The following PCDH15 variants were observed in gnomAD, a reference collection of about 807,000 sequenced individuals.
PCDH15 encodes the protein protocadherin related 15.
Under a neutral mutation model 178.5 loss-of-function variants are expected in PCDH15, and 129 were observed. That is an observed-to-expected ratio of 0.72 (90% CI 0.63 to 0.84). The LOEUF is 0.84. PCDH15 is among the 40% of genes least tolerant of loss of function. The probability of loss-of-function intolerance (pLI) is 0.00; values close to 1 mark genes in which losing one functional copy is unlikely to be tolerated. For missense variants in PCDH15, 2,230 were observed against 2,099.9 expected (o/e 1.06, Z -1.21); for synonymous variants, 800 against 732.0 (o/e 1.09, Z -1.50).
intron 1 of PCDH15, among the ~76,000 whole-genome samples, chr10:55,225,829 T>G (rs1468459054): frequency 6.6e-6 from 1 of 152,078 alleles, no homozygotes; most frequent in Non-Finnish European, 1.5e-5. Flanking sequence ...CGTTTACTGT[T>G]TAAGTAAAGA....
At chr10:55,255,593 T>C (rs1841974407) in intron 1 of PCDH15, among the ~76,000 whole-genome samples, 1 of 152,112 alleles carries the variant, frequency 6.6e-6, no homozygotes, top group African/African-American at 2.4e-5. Context: ...TTCCTATTTC[T>C]CCACATCCTC....
At chr10:54,717,922 TA>T (rs1232875327) in intron 1 of PCDH15, among the ~76,000 whole-genome samples, 1 of 145,388 alleles carries the variant, frequency 6.9e-6, no homozygotes, top group Non-Finnish European at 1.5e-5. Context: ...CATGGAATAC[TA>T]TGCAGCCATA....
chr10:55,487,368 C>T (rs1271900917), intron 2 of PCDH15, among the ~76,000 whole-genome samples: 2 of 151,746 alleles, frequency 1.3e-5, no homozygotes, highest in South Asian at 2.1e-4. Context: ...CATTTACAGT[C>T]ACCATTTTTC....
At chr10:54,612,838 C>T (rs1462784695) in intron 2 of PCDH15, among the ~76,000 whole-genome samples, 1 of 151,526 alleles carries the variant, frequency 6.6e-6, no homozygotes, top group African/African-American at 2.4e-5. Context: ...TCTTATCGTA[C>T]CTGGTCAGAT....
intron 10 of PCDH15, among the ~76,000 whole-genome samples, chr10:54,212,514 C>T (rs1262459442): frequency 1.3e-5 from 2 of 152,078 alleles, no homozygotes; most frequent in Non-Finnish European, 1.5e-5. Flanking sequence ...TATTCATTGA[C>T]CATACTCTTT....
chr10:54,714,545 A>G (rs778301086), intron 1 of PCDH15, among the ~76,000 whole-genome samples: 2 of 152,184 alleles, frequency 1.3e-5, no homozygotes, highest in Non-Finnish European at 2.9e-5. Context: ...TATAGGAATC[A>G]TAACTTTCAA....
chr10:53,891,123 C>A (rs2081528308), intron 26 of PCDH15, among the ~76,000 whole-genome samples: 1 of 142,462 alleles, frequency 7.0e-6, no homozygotes, highest in Non-Finnish European at 1.5e-5. Flanking sequence ...TATAGATCTC[C>A]TGTGTCAGGT....
chr10:54,140,472 C>CT (rs546498025), intron 14 of PCDH15, among the ~76,000 whole-genome samples: 2,397 of 144,706 alleles, frequency 0.017, 26 homozygotes, highest in Middle Eastern at 0.074. Flanking sequence ...TTTATTTCTG[C>CT]TTTTTTTTTT....
At chr10:54,724,277 C>A (rs950688114) in intron 1 of PCDH15, among the ~76,000 whole-genome samples, 3 of 151,436 alleles carry the variant, frequency 2.0e-5, no homozygotes, top group East Asian at 1.9e-4. Context: ...TAAGTGAACT[C>A]AGAAAATAAA....
chr10:55,485,777 T>C (rs1840281807), intron 2 of PCDH15, among the ~76,000 whole-genome samples: 1 of 151,684 alleles, frequency 6.6e-6, no homozygotes, highest in South Asian at 2.1e-4. Flanking sequence ...AATCCAGTAA[T>C]TCCACTACTA....
intron 3 of PCDH15, among the ~76,000 whole-genome samples, chr10:54,419,044 T>A (rs1291090923): frequency 2.0e-5 from 3 of 152,010 alleles, no homozygotes; most frequent in African/African-American, 7.2e-5. Flanking sequence ...TTATAGTAGT[T>A]ATTTTATCTA....
chr10:54,256,512 C>G (rs142881458), intron 8 of PCDH15, among the ~76,000 whole-genome samples: 1 of 152,070 alleles, frequency 6.6e-6, no homozygotes, highest in African/African-American at 2.4e-5. Context: ...TGTTATAGAA[C>G]CTATCAAAAG....
rs558505231 is a variant in PCDH15 at position 54,964,029 on chromosome 10, T to C, written c.-79-66529A>G. 2.2e-4 allele frequency among the ~76,000 whole-genome samples: 34 copies of C among 151,910 alleles called. No individual in the cohort carries two copies. The East Asian group carries it at 3.3e-3, about 15-fold the overall frequency. On this transcript the variant is annotated intron_variant, in intron 2 of 5. Coordinates refer to the PCDH15 transcript ENST00000458638. The stretch of plus-strand genomic sequence containing the variant: ...ATTAGGGACAGGTAAGGAAGAGGAG[T>C]TGGCAACAGGAAGCAGGTGGTCAGT...
chr10:55,106,106 A>T (rs1842668625), intron 2 of PCDH15, among the ~76,000 whole-genome samples: 1 of 152,252 alleles, frequency 6.6e-6, no homozygotes, highest in African/African-American at 2.4e-5. Flanking sequence ...AAGGCACAAT[A>T]AAGTTTGTAA....
Position 55,142,024 on chromosome 10 carries a change from T to C in PCDH15, c.-80+24552A>G, listed in dbSNP as rs1591936100. Among the ~76,000 whole-genome samples the C allele has an allele frequency of 2.0e-5, 3 of 152,132 alleles. No individual in the cohort carries two copies. The East Asian group carries it at 5.8e-4, about 29-fold the overall frequency. On this transcript the variant is annotated intron_variant, in intron 2 of 5. Transcript: ENST00000458638. ...TTTGCACATAAACATAAAACTTCATTATCTGCACAATATATGGCAGAATGT... is the reference window on the plus strand; with the variant it reads ...TTTGCACATAAACATAAAACTTCATCATCTGCACAATATATGGCAGAATGT...
chr10:54,259,306 G>A (rs999480958), intron 8 of PCDH15, among the ~76,000 whole-genome samples: 1 of 152,142 alleles, frequency 6.6e-6, no homozygotes, highest in Admixed American at 6.6e-5. Flanking sequence ...CCTGTCTGGG[G>A]TCACCTTAGG....
chr10:55,588,460 C>G (rs1451424540), intron 2 of PCDH15, among the ~76,000 whole-genome samples: 1 of 151,956 alleles, frequency 6.6e-6, no homozygotes, highest in Non-Finnish European at 1.5e-5. Context: ...TTAAAAGAAA[C>G]CCCACACACA....
chr10:54,298,503 T>C (rs977931158), intron 8 of PCDH15, among the ~76,000 whole-genome samples: 2 of 152,156 alleles, frequency 1.3e-5, no homozygotes, highest in Admixed American at 6.5e-5. Context: ...TTGTTACCAG[T>C]GTGGCTTGCA....
At chr10:55,163,470 C>T (rs931210012) in intron 2 of PCDH15, among the ~76,000 whole-genome samples, 4 of 152,028 alleles carry the variant, frequency 2.6e-5, no homozygotes, top group Non-Finnish European at 4.4e-5. Context: ...AAAGAGACTC[C>T]GTTATGAAGA....
Sources: allele counts gnomAD v4.1 joint callset (sites outside exome capture counted in the v4.1 genomes callset), GRCh38; gene constraint gnomAD v4.1.1; transcripts MANE v1.5; gene names NCBI Gene and HGNC (gene_info 2026-07-23, HGNC 2026-07-21).